Variants in ADAM22 observed in about 807,000 individuals in gnomAD.
ADAM22 encodes disintegrin and metalloproteinase domain-containing protein 22.
In ADAM22, 65 loss-of-function variants were observed where a neutral mutation model predicts 144.6. That is an observed-to-expected ratio of 0.45 (90% CI 0.37 to 0.55). The LOEUF (loss-of-function observed/expected upper bound fraction) is 0.55. ADAM22 is among the 20% of genes least tolerant of loss of function. ADAM22 has a pLI of 0.00. For synonymous variants in ADAM22, 391 were observed against 412.6 expected, an observed-to-expected ratio of 0.95 and a Z score of 0.63; for missense variants, 974 against 1,184.9, an observed-to-expected ratio of 0.82 and a Z score of 2.61.
At position 88,148,960 on chromosome 7, in the gene ADAM22, A is replaced by C; in HGVS notation, c.1486-17A>C. 6.3e-7 allele frequency: 1 copy of C among 1,597,196 alleles called. No individual in the cohort carries two copies. Among genetic ancestry groups the C allele is most frequent in the South Asian group, 1.1e-5 (1 of 88,582 alleles). ...TTTCTCCCTACAGTTTCACACGTTG[A>C]TTTTTGTTCATTTTAGTTTCAGCCT... On this transcript the variant is annotated splice_polypyrimidine_tract_variant and intron_variant, in intron 17 of 31. Transcript: ENST00000413139.
At chr7:88,171,844 A>ATT (rs894367214) in intron 26 of ADAM22, among the ~76,000 whole-genome samples, 6 of 151,594 alleles carry the variant, frequency 4.0e-5, no homozygotes, top group Admixed American at 3.9e-4. Context: ...ATAGAAATTG[A>ATT]TTTTTTCCAT....
At chr7:88,151,637 T>C (rs1476572918) in intron 20 of ADAM22, among the ~76,000 whole-genome samples, 1 of 152,174 alleles carries the variant, frequency 6.6e-6, no homozygotes, top group Non-Finnish European at 1.5e-5. Context: ...ATGTATACTC[T>C]TCTCAGCTGA....
intron 3 of ADAM22, among the ~76,000 whole-genome samples, chr7:87,990,112 T>C (rs1015264868): frequency 1.3e-5 from 2 of 152,042 alleles, no homozygotes; most frequent in Non-Finnish European, 2.9e-5. Context: ...ACACTTGATG[T>C]ACTCTATATA....
At chr7:88,192,420 G>A (rs1286627684) in intron 30 of ADAM22, among the ~76,000 whole-genome samples, 1 of 152,262 alleles carries the variant, frequency 6.6e-6, no homozygotes, top group East Asian at 1.9e-4. Flanking sequence ...CACTACACAT[G>A]CAAAATCAAT....
At position 87,961,511 on chromosome 7, in the gene ADAM22, G is replaced by GAT. The variant is rs1847992580; in HGVS notation, c.247-16824_247-16823dup. ...ATAATCCCACAATGTAATGCATTTGGATTCTTCTTTGCAAGACAGTATTAC... is the reference window on the plus strand; with the variant it reads ...ATAATCCCACAATGTAATGCATTTGGATATTCTTCTTTGCAAGACAGTATTAC... On this transcript the variant is annotated intron_variant, in intron 2 of 31. Transcript: ENST00000413139. Among the ~76,000 whole-genome samples, 3 of 152,122 alleles carry GAT rather than the reference G, an allele frequency of 2.0e-5. No individual in the cohort carries two copies. In the South Asian group the frequency reaches 6.2e-4, roughly 32 times the overall value.
chr7:87,980,991 G>C (rs1308567413), intron 3 of ADAM22, among the ~76,000 whole-genome samples: 2 of 152,154 alleles, frequency 1.3e-5, no homozygotes, highest in African/African-American at 4.8e-5. Context: ...TCTTCGGAAA[G>C]AAGAAAGCTC....
intron 3 of ADAM22, among the ~76,000 whole-genome samples, chr7:88,031,070 C>T (rs774375771): frequency 2.6e-5 from 4 of 152,078 alleles, no homozygotes; most frequent in Non-Finnish European, 5.9e-5. Flanking sequence ...GAACCAAGAT[C>T]GCGCCACTGC....
intron 4 of ADAM22, among the ~76,000 whole-genome samples, chr7:88,084,101 A>G (rs533758223): frequency 1.3e-5 from 2 of 152,292 alleles, no homozygotes; most frequent in East Asian, 1.9e-4. Flanking sequence ...TGTCAGTGGA[A>G]TGATGAAATG....
At chr7:88,029,909 G>A (rs1799854479) in intron 3 of ADAM22, among the ~76,000 whole-genome samples, 1 of 150,560 alleles carries the variant, frequency 6.6e-6, no homozygotes, top group Non-Finnish European at 1.5e-5. Context: ...CTTTTTTCTT[G>A]ACCTTTGGGA....
chr7:88,029,763 T>G (rs1355084577), intron 3 of ADAM22, among the ~76,000 whole-genome samples: 1 of 151,634 alleles, frequency 6.6e-6, no homozygotes, highest in African/African-American at 2.4e-5. Context: ...GGGTAAAAGT[T>G]TTTTTTTTCT....
chr7:88,013,078 T>G (rs1378517413), intron 3 of ADAM22, among the ~76,000 whole-genome samples: 1 of 152,174 alleles, frequency 6.6e-6, no homozygotes, highest in African/African-American at 2.4e-5. Context: ...AAGACTGGAA[T>G]CCCCAGATGT....
chr7:88,122,757 C>G lies in ADAM22; in HGVS notation c.608-2832C>G, dbSNP rs558197516. Among the ~76,000 whole-genome samples, 62 of 152,280 alleles carry G rather than the reference C, an allele frequency of 4.1e-4. 1 individual carries two copies. Among genetic ancestry groups the G allele is most frequent in the African/African-American group, 1.5e-3 (61 of 41,560 alleles). On this transcript the variant is annotated intron_variant, in intron 7 of 31. Transcript: ENST00000413139. Reference sequence around the variant, plus strand: ...TACAAAAGAGGGAAAATTCGAGAAACAAGAAAGACACTGACATTGCAGTTC... The same window carrying G: ...TACAAAAGAGGGAAAATTCGAGAAAGAAGAAAGACACTGACATTGCAGTTC...
At chr7:88,105,773 A>G (rs1335080887) in intron 4 of ADAM22, among the ~76,000 whole-genome samples, 2 of 152,146 alleles carry the variant, frequency 1.3e-5, no homozygotes, top group Non-Finnish European at 2.9e-5. Flanking sequence ...TGTGGTTCCT[A>G]TGTAGAAGAG....
At chr7:88,163,220 A>G (rs1842163132) in intron 23 of ADAM22, 40 bp downstream of exon 23, 1 of 1,514,306 alleles carries the variant, frequency 6.6e-7, no homozygotes, top group South Asian at 1.3e-5. Context: ...TTTCTTTTAT[A>G]TCACAGAAAT....
intron 2 of ADAM22, among the ~76,000 whole-genome samples, chr7:87,950,942 G>C (rs1844925698): frequency 6.6e-6 from 1 of 151,942 alleles, no homozygotes; most frequent in Non-Finnish European, 1.5e-5. Flanking sequence ...GTCTTCTTTT[G>C]AGAAGTGTCT....
chr7:87,981,126 T>C (rs774682002), intron 3 of ADAM22, among the ~76,000 whole-genome samples: 25 of 152,190 alleles, frequency 1.6e-4, no homozygotes, highest in African/African-American at 4.3e-4. Flanking sequence ...GAAAAATGTT[T>C]CCTTTCAGCA....
At chr7:88,039,828 T>C (rs1288119756) in intron 3 of ADAM22, among the ~76,000 whole-genome samples, 1 of 151,938 alleles carries the variant, frequency 6.6e-6, no homozygotes, top group Non-Finnish European at 1.5e-5. Context: ...TTTTTGTCCT[T>C]GGATTCTCTG....
chr7:87,988,916 A>G (rs1049286239), intron 3 of ADAM22, among the ~76,000 whole-genome samples: 1 of 151,968 alleles, frequency 6.6e-6, no homozygotes, highest in African/African-American at 2.4e-5. Flanking sequence ...ATTCTTTTAA[A>G]AGAGAAATTG....
rs1045159750 is a variant in ADAM22, at chr7:88,015,302, A to G, written c.323+36890A>G. 2.4e-4 allele frequency among the ~76,000 whole-genome samples: 36 copies of G among 152,204 alleles called. 1 individual carries two copies. In the Middle Eastern group the frequency reaches 9.5e-3, roughly 40 times the overall value. On this transcript the variant is annotated intron_variant, in intron 3 of 31. Coordinates refer to ENST00000413139, the MANE Select transcript of ADAM22 (RefSeq NM_001324418.2). ...TGAAGTAAATAAATTTTACCTTGCT[A>G]TTCCAGAGGTAGAAAGAGAATAGTA...
Sources: gnomAD v4.1 joint callset for allele counts (sites outside exome capture counted in the v4.1 genomes callset) on GRCh38, gnomAD v4.1.1 for gene constraint, MANE v1.5 for transcripts, NCBI Gene and HGNC (gene_info 2026-07-23, HGNC 2026-07-21) for gene names.